ANO4: variants seen among roughly 807,000 people sequenced by gnomAD.
ANO4 encodes the protein anoctamin-4.
In ANO4, 69 loss-of-function variants were observed where a neutral mutation model predicts 141.9. The ratio of observed to expected loss-of-function variants is 0.49; its 90% CI spans 0.40 to 0.59. ANO4 has a LOEUF of 0.59. ANO4 is among the 20% of genes least tolerant of loss of function. ANO4 has a pLI of 0.00. For synonymous variants in ANO4, 350 were observed against 394.3 expected (o/e 0.89, Z 1.33); for missense variants, 894 against 1,162.2 (o/e 0.77, Z 3.36).
chr12:100,900,110 G>A (rs1593687826), intron 1 of ANO4, among the ~76,000 whole-genome samples: 1 of 144,762 alleles, frequency 6.9e-6, no homozygotes, highest in African/African-American at 2.5e-5. Context: ...AAAGAAAGAA[G>A]GATTTGCATA....
intron 5 of ANO4, among the ~76,000 whole-genome samples, chr12:100,964,770 A>G (rs1433515053): frequency 3.9e-5 from 6 of 152,144 alleles, no homozygotes; most frequent in African/African-American, 1.4e-4. Context: ...TAATTTCTTC[A>G]GGTCTCTGTT....
intron 2 of ANO4, among the ~76,000 whole-genome samples, chr12:100,919,876 T>C (rs1002556871): frequency 2.6e-5 from 4 of 152,010 alleles, no homozygotes; most frequent in Non-Finnish European, 5.9e-5. Flanking sequence ...GAAGACAGAA[T>C]TTAATGGCCT....
chr12:101,119,901 A>C (rs2051012482), intron 25 of ANO4, among the ~76,000 whole-genome samples: 1 of 152,154 alleles, frequency 6.6e-6, no homozygotes, highest in African/African-American at 2.4e-5. Flanking sequence ...TATTCGGCAA[A>C]CATTTGTGGC....
intron 1 of ANO4, among the ~76,000 whole-genome samples, chr12:100,879,966 A>G (rs1175579746): frequency 6.6e-6 from 1 of 152,178 alleles, no homozygotes; most frequent in Non-Finnish European, 1.5e-5. Flanking sequence ...GGGTTGAGCT[A>G]TTGAAAGAGG....
intron 9 of ANO4, among the ~76,000 whole-genome samples, chr12:101,025,376 G>A (rs151153454): frequency 1.4e-4 from 21 of 152,306 alleles, no homozygotes; most frequent in African/African-American, 4.8e-4. Context: ...AAGTTGAGAA[G>A]TTGTTGCTAG....
At chr12:101,109,080 G>A (rs1177168879) in intron 22 of ANO4, among the ~76,000 whole-genome samples, 5 of 152,098 alleles carry the variant, frequency 3.3e-5, no homozygotes, top group Admixed American at 1.3e-4. Flanking sequence ...CAGAGTATTT[G>A]TCAGTAGTTT....
chr12:100,985,631 T>C (rs1297317670), intron 7 of ANO4, among the ~76,000 whole-genome samples: 2 of 152,256 alleles, frequency 1.3e-5, no homozygotes, highest in African/African-American at 4.8e-5. Context: ...CACTATATTT[T>C]AAGTATATTT....
chr12:100,939,185 T>C (rs2042404719), intron 3 of ANO4, 130 bp from the exon 4 acceptor site: 2 of 917,982 alleles, frequency 2.2e-6, no homozygotes, highest in South Asian at 2.1e-5. Context: ...GGAAATAATA[T>C]GCTTGTCACT....
chr12:100,901,583 T>C, intron 1 of ANO4, 63 bp from the exon 2 acceptor site: 1 of 633,830 alleles, frequency 1.6e-6, no homozygotes, highest in South Asian at 1.9e-5. Context: ...TATGAGAGCG[T>C]AACAGCCTTT....
intron 14 of ANO4, among the ~76,000 whole-genome samples, chr12:101,063,050 T>G (rs1202857744): frequency 6.6e-6 from 1 of 152,226 alleles, no homozygotes; most frequent in East Asian, 1.9e-4. Context: ...CTGCAGGTTA[T>G]GAAGACTATG....
intron 22 of ANO4, among the ~76,000 whole-genome samples, chr12:101,102,124 C>T (rs546168385): frequency 1.3e-5 from 2 of 152,236 alleles, no homozygotes; most frequent in African/African-American, 4.8e-5. Context: ...ATCCATTCTA[C>T]TGCTGATAGA....
At chr12:100,918,434 G>A (rs989746813) in intron 2 of ANO4, among the ~76,000 whole-genome samples, 3 of 152,136 alleles carry the variant, frequency 2.0e-5, no homozygotes, top group Admixed American at 6.6e-5. Flanking sequence ...CCTATTTTGA[G>A]TATTTTCTTC....
intron 2 of ANO4, among the ~76,000 whole-genome samples, chr12:100,912,401 A>G (rs1014809151): frequency 1.8e-5 from 2 of 110,276 alleles, no homozygotes; most frequent in Non-Finnish European, 3.8e-5. Context: ...TCAAAAAAAA[A>G]AAAAAAAAGA....
intron 8 of ANO4, among the ~76,000 whole-genome samples, chr12:100,993,611 C>T (rs891351083): frequency 2.0e-5 from 3 of 152,066 alleles, no homozygotes; most frequent in African/African-American, 7.2e-5. Flanking sequence ...GTCTCTGATT[C>T]ATGTAGTCAT....
chr12:100,860,998 A>G (rs2038441704), intron 1 of ANO4, among the ~76,000 whole-genome samples: 2 of 152,328 alleles, frequency 1.3e-5, no homozygotes, highest in East Asian at 1.9e-4. Context: ...TTTATTGTGA[A>G]GAGCGAAAGA....
rs185526230 is a variant in ANO4 at position 100,933,751 on chromosome 12, A to G, written c.161-5564A>G. 9.3e-4 allele frequency among the ~76,000 whole-genome samples: 141 copies of G among 152,206 alleles called. 2 individuals are homozygous for G. Among genetic ancestry groups the G allele is most frequent in the African/African-American group, 3.3e-3 (137 of 41,546 alleles). On this transcript the variant is annotated intron_variant, in intron 3 of 27. Transcript: ENST00000392977. ...CCACCAACAATGTAAAAGCATTCCT[A>G]TTTCTCCACATCCTCTCCAGCATCT...
chr12:100,923,380 T>C (rs142986829), intron 3 of ANO4, among the ~76,000 whole-genome samples: 5,290 of 146,156 alleles, frequency 0.036, 132 homozygotes, highest in Non-Finnish European at 0.05. Context: ...AGTGAGAACA[T>C]GCGGTGTTTG....
In ANO4 at chr12:101,030,116, T is replaced by C. The variant is rs191517430; in HGVS notation, c.842-6979T>C. ...GATATTCAGGACTTGAACTCAGCTC[T>C]GGATCAAGTGGACCTAATAGACATC... On this transcript the variant is annotated intron_variant, in intron 9 of 27. Transcript: ENST00000392977. Among the ~76,000 whole-genome samples the C allele has an allele frequency of 8.3e-4, 126 of 152,242 alleles. 1 individual carries two copies. The highest frequency in any genetic ancestry group is 7.8e-3 in the Admixed American group (119 of 15,282).
intron 14 of ANO4, among the ~76,000 whole-genome samples, chr12:101,052,625 T>G (rs1323292438): frequency 6.6e-6 from 1 of 152,242 alleles, no homozygotes; most frequent in African/African-American, 2.4e-5. Context: ...ATCCTGTTAG[T>G]AATTGGTGAA....
Sources: allele counts gnomAD v4.1 joint callset (sites outside exome capture counted in the v4.1 genomes callset), GRCh38; gene constraint gnomAD v4.1.1; transcripts MANE v1.5; gene names NCBI Gene and HGNC (gene_info 2026-07-23, HGNC 2026-07-21).